The following ZNF43 variants were observed in gnomAD, a reference collection of about 807,000 sequenced individuals.
ZNF43 encodes zinc finger protein 39-like 1 (KOX 27).
In ZNF43, 44 loss-of-function variants were observed where a neutral mutation model predicts 68.4. The ratio of observed to expected loss-of-function variants is 0.64; its 90% CI spans 0.51 to 0.83. The LOEUF (loss-of-function observed/expected upper bound fraction) is 0.83. ZNF43 is among the 40% of genes least tolerant of loss of function. The probability of loss-of-function intolerance (pLI) is 0.00; values close to 1 mark genes in which losing one functional copy is unlikely to be tolerated. For missense variants in ZNF43, 896 were observed against 933.2 expected, an observed-to-expected ratio of 0.96 and a Z score of 0.52; for synonymous variants, 308 against 307.8, an observed-to-expected ratio of 1.00 and a Z score of -0.01.
In ZNF43 at chr19:21,828,905, C is replaced by G. The variant is rs181877278; in HGVS notation, c.3+7131G>C. On this transcript the variant is annotated intron_variant, in intron 1 of 3. Transcript: ENST00000354959. ...AAAAATAGCCGGGTGCCCTGGCGGG[C>G]GCCTATACTCCCAGCTACTTGGGAG... Among the ~76,000 whole-genome samples, 670 of 150,730 alleles carry G rather than the reference C, an allele frequency of 4.4e-3. 7 individuals carry two copies. Among genetic ancestry groups the G allele is most frequent in the African/African-American group, 0.015 (619 of 41,090 alleles).
At chr19:21,822,399 C>A (rs908850683) in intron 1 of ZNF43, among the ~76,000 whole-genome samples, 2 of 140,102 alleles carry the variant, frequency 1.4e-5, no homozygotes, top group East Asian at 4.2e-4. Context: ...GATGCTTCCA[C>A]GCAGAATCTG....
chr19:21,804,981 A>G lies in ZNF43; in HGVS notation c.*2626T>C, dbSNP rs1387774823. On this transcript the variant is annotated 3_prime_UTR_variant, in exon 4 of 4. Coordinates refer to ENST00000354959, the MANE Select transcript of ZNF43 (RefSeq NM_003423.4). ...ACTCAGGAATGTATGGACTTTATTT[A>G]TACTTCTATATAATTTTTATAATTA... 6.6e-6 allele frequency: 1 copy of G among 152,200 alleles called. No homozygotes were observed. 9.4% of individuals were successfully genotyped at this position (152,200 alleles called of 1,614,324 possible). A position where few individuals can be genotyped will look rare whatever the true frequency, so the allele number is the denominator to read the frequency against.
In ZNF43 at chr19:21,807,766, A is replaced by G. The variant is rs1330515785; in HGVS notation, c.2271T>C (p.Thr757=). ...SHLNTHKRIH[T]KEQPYKCKEC... The stretch of plus-strand genomic sequence containing the variant: ...CTTTACATTTGTAGGGTTGCTCTTT[A>G]GTATGAATTCTCTTATGTGTATTAA... The change falls in exon 4 of 4, where the codon ACT becomes ACC. Residue 757 remains threonine (T), a synonymous_variant. Coordinates refer to ENST00000354959, the MANE Select transcript of ZNF43 (RefSeq NM_003423.4). 3.1e-6 allele frequency: 5 copies of G among 1,613,510 alleles called. No homozygotes were observed. Among genetic ancestry groups the G allele is most frequent in the Non-Finnish European group, 3.4e-6 (4 of 1,179,674 alleles).
At chr19:21,842,715 T>A (rs1377266117) in intron 1 of ZNF43, among the ~76,000 whole-genome samples, 2 of 152,086 alleles carry the variant, frequency 1.3e-5, no homozygotes, top group East Asian at 3.9e-4. Flanking sequence ...ATTATGTAGA[T>A]CCTGAGAAAA....
chr19:21,808,652 G>T lies in ZNF43; in HGVS notation c.1385C>A (p.Ala462Asp). ...AGTAAGGTTTGAGAACTGGTTAAAG[G>T]CTTTGCCACATACTTCACATTTGTA... ...KPYKCEVCGK[A>D]FNQFSNLTTH... The change falls in exon 4 of 4, where the codon GCC becomes GAC. Residue 462 changes from alanine (A) to aspartate (D), a missense_variant. Physicochemically the swap from Ala to Asp is moderately radical, Grantham distance 126. Transcript: ENST00000354959. The T allele has an allele frequency of 2.5e-6, 4 of 1,613,554 alleles. No individual in the cohort carries two copies. Among genetic ancestry groups the T allele is most frequent in the South Asian group, 1.1e-5 (1 of 91,056 alleles).
chr19:21,818,481 C>T (rs995473333), intron 2 of ZNF43, among the ~76,000 whole-genome samples: 1 of 152,022 alleles, frequency 6.6e-6, no homozygotes, highest in Non-Finnish European at 1.5e-5. Flanking sequence ...AGTGCAGTGG[C>T]ACGATCTCGG....
At chr19:21,820,402 ACC>A (rs2037763426) in intron 1 of ZNF43, among the ~76,000 whole-genome samples, 1 of 150,844 alleles carries the variant, frequency 6.6e-6, no homozygotes. Context: ...AGATGGTGAA[ACC>A]CCGTCTGTAC....
At chr19:21,823,760 G>A (rs1395279919) in intron 1 of ZNF43, among the ~76,000 whole-genome samples, 1 of 151,838 alleles carries the variant, frequency 6.6e-6, no homozygotes, top group East Asian at 1.9e-4. Flanking sequence ...GTAGAGATGG[G>A]GTTACACCAT....
intron 1 of ZNF43, chr19:21,841,503 C>G (rs1158086476): frequency 1.3e-5 from 2 of 152,252 alleles, no homozygotes; most frequent in South Asian, 2.1e-4. Flanking sequence ...ACAAGAAACA[C>G]AGCACCTGGT....
chr19:21,811,917 T>C (rs1022867183), intron 3 of ZNF43: 39 of 392,100 alleles, frequency 9.9e-5, no homozygotes, highest in African/African-American at 7.4e-4. Flanking sequence ...AAAAAAGACA[T>C]GACATTGGTC....
At chr19:21,812,243 C>T (rs549019732) in intron 3 of ZNF43, among the ~76,000 whole-genome samples, 4 of 152,134 alleles carry the variant, frequency 2.6e-5, no homozygotes, top group Admixed American at 6.5e-5. Context: ...TCTCCTGTCT[C>T]GGCCTCCCGA....
At chr19:21,818,997 A>C (rs1309674674) in intron 2 of ZNF43, 98 bp downstream of exon 2, 2 of 1,473,900 alleles carry the variant, frequency 1.4e-6, no homozygotes, top group Admixed American at 5.1e-5. Flanking sequence ...TCTGAAACTC[A>C]TGAATGCAAA....
chr19:21,838,434 C>G (rs1050692115), upstream of ZNF43, among the ~76,000 whole-genome samples: 1 of 148,792 alleles, frequency 6.7e-6, no homozygotes, highest in Non-Finnish European at 1.5e-5. Flanking sequence ...CAGTCTCGCT[C>G]TATTACCCAG....
intron 3 of ZNF43, among the ~76,000 whole-genome samples, chr19:21,811,130 T>C (rs962376242): frequency 1.3e-5 from 2 of 152,180 alleles, no homozygotes; most frequent in African/African-American, 4.8e-5. Context: ...TTTTCCAAAG[T>C]TGTCAATACA....
intron 1 of ZNF43, among the ~76,000 whole-genome samples, chr19:21,820,789 T>C (rs1424212494): frequency 6.6e-6 from 1 of 151,994 alleles, no homozygotes; most frequent in African/African-American, 2.4e-5. Flanking sequence ...AATATCAGTT[T>C]TATGCAAAGT....
In ZNF43 at chr19:21,808,279, T is replaced by G. The variant is rs950350179; in HGVS notation, c.1758A>C (p.Lys586Asn). ...TGTAGAATTTCTCTCCAGTATGAAT[T>G]TTCTTATGTGTAGTAAGGTTTGAGG... ...TQSSNLTTHKKIHTGEKFYKC... is the reference protein window; with the variant it reads ...TQSSNLTTHKNIHTGEKFYKC... Residue 586 changes from lysine to asparagine, a missense_variant, in exon 4 of 4, where the codon AAA (lysine) becomes AAC (asparagine). Transcript: ENST00000354959. 1 of 1,613,372 alleles carries G rather than the reference T, an allele frequency of 6.2e-7. No homozygotes were observed. Among genetic ancestry groups the G allele is most frequent in the East Asian group, 2.2e-5 (1 of 44,824 alleles).
chr19:21,822,412 C>T (rs770625623), intron 1 of ZNF43, among the ~76,000 whole-genome samples: 3 of 140,476 alleles, frequency 2.1e-5, no homozygotes, highest in Non-Finnish European at 4.7e-5. Context: ...AGAATCTGAA[C>T]CAAATTATAA....
intron 1 of ZNF43, among the ~76,000 whole-genome samples, chr19:21,849,587 A>C (rs1968202767): frequency 1.3e-5 from 2 of 150,248 alleles, no homozygotes; most frequent in African/African-American, 4.9e-5. Flanking sequence ...AGGTGGGTGG[A>C]TCACCTAAGG....
intron 1 of ZNF43, among the ~76,000 whole-genome samples, chr19:21,822,808 A>C (rs1321360998): frequency 6.7e-6 from 1 of 149,972 alleles, no homozygotes; most frequent in African/African-American, 2.4e-5. Context: ...CCGTCTCAGA[A>C]AAAAAAAAAA....
Sources: allele counts gnomAD v4.1 joint callset (sites outside exome capture counted in the v4.1 genomes callset), GRCh38; gene constraint gnomAD v4.1.1; transcripts MANE v1.5; gene names NCBI Gene and HGNC (gene_info 2026-07-23, HGNC 2026-07-21).